Variants in PARD3B observed in about 807,000 individuals in gnomAD.
The protein encoded by PARD3B is par-3 family cell polarity regulator beta, also known as partitioning defective 3 homolog B.
In PARD3B, 103 loss-of-function variants were observed where a neutral mutation model predicts 130.2. The observed-to-expected ratio is 0.79, with a 90% CI of 0.67 to 0.93. The LOEUF (loss-of-function observed/expected upper bound fraction) is 0.93. Ranked by LOEUF, PARD3B falls within the 40% of genes least tolerant of loss-of-function variation. The probability of loss-of-function intolerance (pLI) is 0.00; values close to 1 mark genes in which losing one functional copy is unlikely to be tolerated. For synonymous variants in PARD3B, 583 were observed against 553.2 expected, an observed-to-expected ratio of 1.05 and a Z score of -0.76; for missense variants, 1,609 against 1,499.2, an observed-to-expected ratio of 1.07 and a Z score of -1.21.
intron 2 of PARD3B, among the ~76,000 whole-genome samples, chr2:204,804,029 C>A (rs77182571): frequency 0.012 from 1,881 of 152,158 alleles, 34 homozygotes; most frequent in African/African-American, 0.041. Context: ...GTCTGGGCAA[C>A]ATGGCAAAAC....
At chr2:205,416,322 G>C (rs922647331) in intron 19 of PARD3B, among the ~76,000 whole-genome samples, 2 of 152,116 alleles carry the variant, frequency 1.3e-5, no homozygotes, top group Non-Finnish European at 2.9e-5. Context: ...CCTCTTATGA[G>C]CATCTGATAA....
chr2:205,520,310 G>A (rs1575232670), intron 21 of PARD3B, among the ~76,000 whole-genome samples: 3 of 152,266 alleles, frequency 2.0e-5, no homozygotes, highest in East Asian at 3.9e-4. Flanking sequence ...GGAAACATGG[G>A]AGATGGACTG....
chr2:205,043,478 C>T (rs1698530380), intron 3 of PARD3B, among the ~76,000 whole-genome samples: 1 of 152,144 alleles, frequency 6.6e-6, no homozygotes, highest in African/African-American at 2.4e-5. Context: ...ACAGAGCAAA[C>T]AAAGGCTCAA....
chr2:204,845,676 A>AC (rs1382725277), intron 2 of PARD3B, among the ~76,000 whole-genome samples: 3 of 151,944 alleles, frequency 2.0e-5, no homozygotes, highest in South Asian at 2.1e-4. Flanking sequence ...TACATAGGAG[A>AC]CCCCAACCTC....
intron 20 of PARD3B, among the ~76,000 whole-genome samples, chr2:205,449,482 A>G (rs921410641): frequency 6.6e-6 from 1 of 151,960 alleles, no homozygotes; most frequent in South Asian, 2.1e-4. Context: ...CCACCCGCCT[A>G]GGCCTCCCAA....
chr2:204,692,872 T>C (rs1260877429), intron 2 of PARD3B, among the ~76,000 whole-genome samples: 2 of 152,066 alleles, frequency 1.3e-5, no homozygotes, highest in Admixed American at 6.6e-5. Flanking sequence ...GTCATGTGGA[T>C]TAAACTCATC....
chr2:204,642,843 G>C (rs2035126144), intron 1 of PARD3B, among the ~76,000 whole-genome samples: 1 of 151,294 alleles, frequency 6.6e-6, no homozygotes, highest in Non-Finnish European at 1.5e-5. Flanking sequence ...GCCGGGCGCG[G>C]TGGCTCACAC....
chr2:205,049,652 G>T (rs1325108566), intron 4 of PARD3B, among the ~76,000 whole-genome samples: 1 of 152,146 alleles, frequency 6.6e-6, no homozygotes, highest in Non-Finnish European at 1.5e-5. Context: ...CTGTCCATCT[G>T]GTAAATGCTG....
chr2:204,969,030 C>CT (rs893006500), intron 3 of PARD3B, among the ~76,000 whole-genome samples: 4 of 152,184 alleles, frequency 2.6e-5, no homozygotes, highest in African/African-American at 7.2e-5. Context: ...CACTTTCACA[C>CT]TTTAAGATTC....
intron 22 of PARD3B, among the ~76,000 whole-genome samples, chr2:205,578,626 G>C (rs943251381): frequency 1.3e-5 from 2 of 152,160 alleles, no homozygotes; most frequent in Non-Finnish European, 2.9e-5. Flanking sequence ...GAGAAAAAAT[G>C]GTATCAAGGT....
At chr2:205,499,081 G>C (rs916762824) in intron 20 of PARD3B, among the ~76,000 whole-genome samples, 9 of 152,132 alleles carry the variant, frequency 5.9e-5, no homozygotes, top group Non-Finnish European at 1.3e-4. Flanking sequence ...TGGCTGTTCA[G>C]ATCTGCCTGT....
chr2:205,036,566 T>C (rs1280577300), intron 3 of PARD3B, among the ~76,000 whole-genome samples: 1 of 149,370 alleles, frequency 6.7e-6, no homozygotes, highest in African/African-American at 2.4e-5. Flanking sequence ...CAGCGGACTA[T>C]ATGTACAAAA....
intron 2 of PARD3B, among the ~76,000 whole-genome samples, chr2:204,918,648 G>T (rs1278798164): frequency 2.8e-5 from 4 of 141,948 alleles, no homozygotes; most frequent in African/African-American, 1.0e-4. Context: ...AAAAAAAAAA[G>T]AAAATGCTTT....
At position 205,500,098 on chromosome 2, in the gene PARD3B, C is replaced by G. The variant is rs1045066701; in HGVS notation, c.3180+67C>G. 3 of 1,551,214 alleles carry G rather than the reference C, an allele frequency of 1.9e-6. No individual in the cohort carries two copies. In the African/African-American group the frequency reaches 4.1e-5, roughly 21 times the overall value. Reference sequence around the variant, plus strand: ...TAAGAATGTTTAGAGCAGAAGAACACGGTCAAGAATGTTCTGTACATACCA... The same window carrying G: ...TAAGAATGTTTAGAGCAGAAGAACAGGGTCAAGAATGTTCTGTACATACCA... On this transcript the variant is annotated intron_variant, in intron 21 of 22. Coordinates refer to ENST00000406610, the MANE Select transcript of PARD3B (RefSeq NM_001302769.2).
At chr2:205,054,436 ATTTTTTTTTTTT>A (rs769918623) in intron 4 of PARD3B, among the ~76,000 whole-genome samples, 44 of 28,432 alleles carry the variant, frequency 1.5e-3, no homozygotes, top group African/African-American at 4.0e-3. Context: ...ATATATATAT[ATTTTTTTTTTTT>A]TTTTTTTTTA....
At chr2:205,603,020 C>G (rs937911434) in intron 22 of PARD3B, among the ~76,000 whole-genome samples, 10 of 152,146 alleles carry the variant, frequency 6.6e-5, no homozygotes, top group African/African-American at 2.4e-4. Context: ...TCCCTCTTAA[C>G]ACTGCTTTAT....
Position 204,791,253 on chromosome 2 carries a change from C to G in PARD3B, c.222+104971C>G, listed in dbSNP as rs75683578. The stretch of plus-strand genomic sequence containing the variant: ...AAACTTTTAAGTTGACCCTTGACCA[C>G]AGTGAAAATCATAGCAATTACTTTT... On this transcript the variant is annotated intron_variant, in intron 2 of 22. Transcript: ENST00000406610. 7.4e-3 allele frequency among the ~76,000 whole-genome samples: 1,133 copies of G among 152,272 alleles called. 12 individuals are homozygous for G. The highest frequency in any genetic ancestry group is 0.026 in the African/African-American group (1,071 of 41,538).
chr2:205,392,243 A>G (rs2045885807), intron 18 of PARD3B, among the ~76,000 whole-genome samples: 1 of 152,222 alleles, frequency 6.6e-6, no homozygotes, highest in African/African-American at 2.4e-5. Flanking sequence ...AGAACGTTAT[A>G]GGACCTCCCT....
At chr2:205,469,029 C>T (rs1396630633) in intron 20 of PARD3B, among the ~76,000 whole-genome samples, 12 of 151,622 alleles carry the variant, frequency 7.9e-5, no homozygotes, top group Non-Finnish European at 1.5e-5. Flanking sequence ...AACATCCCAT[C>T]CCTTAGTGAT....
Sources: allele counts gnomAD v4.1 joint callset (sites outside exome capture counted in the v4.1 genomes callset), GRCh38; gene constraint gnomAD v4.1.1; transcripts MANE v1.5; gene names NCBI Gene and HGNC (gene_info 2026-07-23, HGNC 2026-07-21).